The following TMEM135 variants were observed in gnomAD, a reference collection of about 807,000 sequenced individuals.
TMEM135 encodes transmembrane protein 135.
Under a neutral mutation model 60.3 loss-of-function variants are expected in TMEM135, and 30 were observed. The ratio of observed to expected loss-of-function variants is 0.50; its 90% confidence interval spans 0.37 to 0.68. The LOEUF (loss-of-function observed/expected upper bound fraction) is 0.68, where lower values mean the gene tolerates loss of function less well. Ranked by LOEUF, TMEM135 falls within the 30% of genes least tolerant of loss-of-function variation. TMEM135 has a pLI of 0.00. For missense variants in TMEM135, 468 were observed against 548.8 expected, an observed-to-expected ratio of 0.85 and a Z score of 1.47; for synonymous variants, 190 against 186.7, an observed-to-expected ratio of 1.02 and a Z score of -0.14.
chr11:87,250,295 A>T (rs568983580), intron 6 of TMEM135, among the ~76,000 whole-genome samples: 1 of 151,836 alleles, frequency 6.6e-6, no homozygotes, highest in African/African-American at 2.4e-5. Flanking sequence ...TATGTATTTT[A>T]TTCTATTTTG....
chr11:87,277,000 G>A (rs1446221662), intron 6 of TMEM135, among the ~76,000 whole-genome samples: 2 of 151,588 alleles, frequency 1.3e-5, no homozygotes, highest in Non-Finnish European at 2.9e-5. Flanking sequence ...TAATATTTAT[G>A]GAACTTTGGA....
chr11:87,227,890 A>G (rs184264590), intron 5 of TMEM135, among the ~76,000 whole-genome samples: 1 of 152,254 alleles, frequency 6.6e-6, no homozygotes, highest in Non-Finnish European at 1.5e-5. Context: ...AGTTTCTTTG[A>G]CAGATGGTTT....
intron 5 of TMEM135, among the ~76,000 whole-genome samples, chr11:87,217,227 T>TTC (rs1436919470): frequency 6.6e-6 from 1 of 152,170 alleles, no homozygotes; most frequent in Non-Finnish European, 1.5e-5. Flanking sequence ...GTAGACCAAT[T>TTC]TCTCTATATC....
chr11:87,229,904 A>C (rs1173127502), intron 5 of TMEM135, among the ~76,000 whole-genome samples: 1 of 152,076 alleles, frequency 6.6e-6, no homozygotes, highest in Non-Finnish European at 1.5e-5. Flanking sequence ...TACATGCATT[A>C]CTTTTTTTGT....
In TMEM135 at chr11:87,099,682, G is replaced by GTTTTTTTTTTTTT. The variant is rs57019125; in HGVS notation, c.396+8295_396+8307dup. ...TATTGTGGTTACATGTTTCATGGTG[G>GTTTTTTTTTTTTT]TTTTTTTTTTTTTTTTTTTTGAGGC... On this transcript the variant is annotated intron_variant, in intron 4 of 14. Coordinates refer to ENST00000305494, the MANE Select transcript of TMEM135 (RefSeq NM_022918.4). Among the ~76,000 whole-genome samples, 31 of 109,380 alleles carry GTTTTTTTTTTTTT rather than the reference G, an allele frequency of 2.8e-4. 1 individual carries two copies. The highest frequency in any genetic ancestry group is 4.9e-4 in the Admixed American group (5 of 10,102). 71.8% of individuals were successfully genotyped at this position (109,380 alleles called of 152,430 possible).
chr11:87,127,151 A>G (rs960207395), intron 4 of TMEM135, among the ~76,000 whole-genome samples: 1 of 152,230 alleles, frequency 6.6e-6, no homozygotes, highest in African/African-American at 2.4e-5. Flanking sequence ...AAATAAGACA[A>G]AGAATTCAAT....
At chr11:87,256,662 G>T (rs1408287937) in intron 6 of TMEM135, among the ~76,000 whole-genome samples, 1 of 151,976 alleles carries the variant, frequency 6.6e-6, no homozygotes, top group Non-Finnish European at 1.5e-5. Context: ...GTGATTTTTT[G>T]GGGGCAAAAA....
rs567770067 is a variant in TMEM135 at position 87,325,213 on chromosome 11, A to G, written c.*3880A>G. ...AAGTAGTGGCCTCAGGTGACTTTGT[A>G]ATAGCCCTGTAGTTGCAAAAAGGGT... On this transcript the variant is annotated 3_prime_UTR_variant, in exon 15 of 15. Transcript: ENST00000305494. 1.5e-4 allele frequency: 70 copies of G among 454,046 alleles called. No homozygotes were observed. The highest frequency in any genetic ancestry group is 1.2e-3 in the African/African-American group (61 of 50,104). The allele number at this position is 454,046 out of a possible 1,614,324, so 28.1% of individuals were successfully genotyped here.
At chr11:87,096,360 C>A in intron 4 of TMEM135, 1 of 165,064 alleles carries the variant, frequency 6.1e-6, no homozygotes, top group East Asian at 1.7e-4. Context: ...GCTACCCACC[C>A]TCCCACCCAG....
intron 5 of TMEM135, among the ~76,000 whole-genome samples, chr11:87,227,819 G>T (rs1164912507): frequency 2.0e-5 from 3 of 152,168 alleles, no homozygotes; most frequent in Non-Finnish European, 2.9e-5. Context: ...AAAAGTTGAA[G>T]ATGCTTAGCA....
rs1424500921 is a variant in TMEM135, at chr11:87,244,601, T to G, written c.509+7917T>G. Among the ~76,000 whole-genome samples the G allele has an allele frequency of 3.7e-5, 3 of 81,196 alleles. 1 individual carries two copies. The highest frequency in any genetic ancestry group is 9.3e-5 in the African/African-American group (2 of 21,568). 53.3% of individuals were successfully genotyped at this position (81,196 alleles called of 152,430 possible). On this transcript the variant is annotated intron_variant, in intron 6 of 14. Transcript: ENST00000305494. ...TGGGAGGATGTATGTGTCGAGGAAT[T>G]CATCCATTTCTTCCACATTTTCTAG...
chr11:87,072,506 G>T (rs937079630), intron 3 of TMEM135, among the ~76,000 whole-genome samples: 1 of 151,904 alleles, frequency 6.6e-6, no homozygotes, highest in Non-Finnish European at 1.5e-5. Context: ...TTAGCCTCCC[G>T]AGTAGCTGGG....
chr11:87,221,906 A>G (rs536438459), intron 5 of TMEM135, among the ~76,000 whole-genome samples: 239 of 152,286 alleles, frequency 1.6e-3, no homozygotes, highest in Non-Finnish European at 3.0e-3. Context: ...CAATATTAAA[A>G]TTGGGCTGGG....
chr11:87,296,065 T>A (rs528301602), intron 7 of TMEM135, among the ~76,000 whole-genome samples: 8 of 152,306 alleles, frequency 5.3e-5, no homozygotes, highest in Admixed American at 5.2e-4. Context: ...CTGTGGGGTA[T>A]TTGAAAAGAA....
rs1208614445 is a variant in TMEM135, at chr11:87,321,991, A to G, written c.*658A>G. 4.4e-6 allele frequency: 2 copies of G among 454,362 alleles called. No individual in the cohort carries two copies. Among genetic ancestry groups the G allele is most frequent in the South Asian group, 1.6e-5 (1 of 64,482 alleles). 28.1% of individuals were successfully genotyped at this position (454,362 alleles called of 1,614,324 possible). On this transcript the variant is annotated 3_prime_UTR_variant, in exon 15 of 15. Transcript: ENST00000305494. The stretch of plus-strand genomic sequence containing the variant: ...CATCATCTCTCTTCATGACCAGTTA[A>G]TTGGGCTATTTGGCAGCCCAGTGAA...
rs776903806 is a variant in TMEM135, at chr11:87,236,631, G to GT, written c.463-5dup. ...TTTGCAAGTAATATATTTTCTCTTT[G>GT]TTACAGGTCCTTTTGTTTTGCATCA... On this transcript the variant is annotated splice_polypyrimidine_tract_variant and splice_region_variant and intron_variant, in intron 5 of 14. Transcript: ENST00000305494. The GT allele has an allele frequency of 4.1e-5, 66 of 1,611,730 alleles. No individual in the cohort carries two copies. Among genetic ancestry groups the GT allele is most frequent in the African/African-American group, 5.3e-5 (4 of 74,782 alleles).
Position 87,313,428 on chromosome 11 carries a change from A to G in TMEM135, c.940A>G (p.Thr314Ala). 2 of 1,608,606 alleles carry G rather than the reference A, an allele frequency of 1.2e-6. No individual in the cohort carries two copies. Among genetic ancestry groups the G allele is most frequent in the South Asian group, 2.2e-5 (2 of 90,908 alleles). ...LGSFVSIYKG[T>A]SCFLRWIRNL... ...ATTGTATTTTCTCCTTAACTAGGGT[A>G]CTAGTTGCTTCCTGCGCTGGATCAG... Residue 314 changes from threonine (T) to alanine (A), a missense_variant, in exon 11 of 15, where the codon ACT (threonine) becomes GCT (alanine). Thr to Ala is a moderately conservative substitution (Grantham distance 58, BLOSUM62 0). Coordinates refer to ENST00000305494, the MANE Select transcript of TMEM135 (RefSeq NM_022918.4).
chr11:87,126,213 T>C (rs1363157442), intron 4 of TMEM135, among the ~76,000 whole-genome samples: 1 of 152,164 alleles, frequency 6.6e-6, no homozygotes, highest in Non-Finnish European at 1.5e-5. Flanking sequence ...CATAAATCTT[T>C]ATTGATCATT....
intron 9 of TMEM135, among the ~76,000 whole-genome samples, chr11:87,306,633 C>T (rs1942548111): frequency 6.6e-6 from 1 of 152,174 alleles, no homozygotes; most frequent in Non-Finnish European, 1.5e-5. Flanking sequence ...TCCCTTCCCC[C>T]ATCACCACCA....
Sources: allele counts gnomAD v4.1 joint callset (sites outside exome capture counted in the v4.1 genomes callset), GRCh38; gene constraint gnomAD v4.1.1; transcripts MANE v1.5; gene names NCBI Gene and HGNC (gene_info 2026-07-23, HGNC 2026-07-21).